Variants in ADCY1 observed in about 807,000 individuals in gnomAD.
ADCY1 encodes the protein adenylate cyclase type 1.
In ADCY1, 28 loss-of-function variants were observed where a neutral mutation model predicts 105.4. The ratio of observed to expected loss-of-function variants is 0.27; its 90% CI spans 0.20 to 0.36. The LOEUF is 0.36. Ranked by LOEUF, ADCY1 falls within the 10% of genes least tolerant of loss-of-function variation. The pLI, the probability that ADCY1 is intolerant of heterozygous loss-of-function variation, is 1.00. For missense variants in ADCY1, 977 were observed against 1,434.2 expected, an observed-to-expected ratio of 0.68 and a Z score of 5.15; for synonymous variants, 655 against 623.8, an observed-to-expected ratio of 1.05 and a Z score of -0.75.
chr7:45,597,334 G>A (rs976412460), intron 2 of ADCY1, among the ~76,000 whole-genome samples: 3 of 152,224 alleles, frequency 2.0e-5, no homozygotes, highest in Non-Finnish European at 4.4e-5. Context: ...CTCTGTTTAC[G>A]CATTGGATGC....
intron 4 of ADCY1, among the ~76,000 whole-genome samples, chr7:45,627,960 G>A (rs1214708628): frequency 2.6e-5 from 4 of 152,168 alleles, no homozygotes; most frequent in Non-Finnish European, 5.9e-5. Context: ...GACCCCCGGC[G>A]CCCACTTCGC....
chr7:45,661,908 C>T lies in ADCY1; in HGVS notation c.1450-151C>T, dbSNP rs933629972. 67 of 915,752 alleles carry T rather than the reference C, an allele frequency of 7.3e-5. No individual in the cohort carries two copies. In the African/African-American group the frequency reaches 7.8e-4, roughly 11 times the overall value. The allele number at this position is 915,752 out of a possible 1,614,324, so 56.7% of individuals were successfully genotyped here. A position where few individuals can be genotyped will look rare whatever the true frequency, so the allele number is the denominator to read the frequency against. On this transcript the variant is annotated intron_variant, in intron 7 of 19. Coordinates refer to ENST00000297323, the MANE Select transcript of ADCY1 (RefSeq NM_021116.4). ...TTTGTTTGCTGCTCTATTCTGGGCA[C>T]GTTCCCCAATGCCTGGCTTGAAGTA...
At position 45,610,328 on chromosome 7, in the gene ADCY1, G is replaced by A. The variant is rs368050706; in HGVS notation, c.790-51G>A. On this transcript the variant is annotated intron_variant, in intron 2 of 19. Transcript: ENST00000297323. ...ACTGGGGAGGGTGAGGTGAGGAGGA[G>A]TGGAGGGAGGGGGCCCTGCTGTCTA... 5 of 1,534,132 alleles carry A rather than the reference G, an allele frequency of 3.3e-6. No homozygotes were observed. The Admixed American group carries it at 5.1e-5, about 16-fold the overall frequency.
At chr7:45,660,659 C>G (rs1431269871) in intron 7 of ADCY1, among the ~76,000 whole-genome samples, 1 of 152,156 alleles carries the variant, frequency 6.6e-6, no homozygotes, top group Non-Finnish European at 1.5e-5. Flanking sequence ...TGTGAGGGGT[C>G]AGGCTCAGGT....
chr7:45,615,151 C>T (rs1258723208), intron 3 of ADCY1, among the ~76,000 whole-genome samples: 3 of 152,140 alleles, frequency 2.0e-5, no homozygotes, highest in Non-Finnish European at 4.4e-5. Flanking sequence ...CTTACAATTT[C>T]AAGAATTATA....
At chr7:45,595,929 G>C (rs1448055401) in intron 2 of ADCY1, among the ~76,000 whole-genome samples, 1 of 152,260 alleles carries the variant, frequency 6.6e-6, no homozygotes, top group Non-Finnish European at 1.5e-5. Context: ...CAGCACCCAG[G>C]TTCCTCCTGG....
chr7:45,578,123 C>T (rs528453192), intron 1 of ADCY1, among the ~76,000 whole-genome samples: 3 of 152,232 alleles, frequency 2.0e-5, no homozygotes, highest in East Asian at 3.9e-4. Flanking sequence ...CCCAAGCTGC[C>T]CCAGGACTCT....
At chr7:45,614,345 TATAA>T (rs1793677154) in intron 3 of ADCY1, among the ~76,000 whole-genome samples, 1 of 152,170 alleles carries the variant, frequency 6.6e-6, no homozygotes, top group Non-Finnish European at 1.5e-5. Flanking sequence ...TTATAGTTTT[TATAA>T]TCACTGAGGT....
chr7:45,613,155 A>G (rs1408465964), intron 3 of ADCY1, among the ~76,000 whole-genome samples: 1 of 152,354 alleles, frequency 6.6e-6, no homozygotes, highest in East Asian at 1.9e-4. Context: ...CTGATAGACA[A>G]TTTAAAATAA....
At chr7:45,663,680 G>A (rs892746254) in intron 8 of ADCY1, among the ~76,000 whole-genome samples, 10 of 152,104 alleles carry the variant, frequency 6.6e-5, no homozygotes, top group Non-Finnish European at 1.3e-4. Flanking sequence ...TTAGCCGGGC[G>A]TGGTGGCACA....
chr7:45,590,220 C>A (rs912654630), intron 1 of ADCY1, among the ~76,000 whole-genome samples: 2 of 148,544 alleles, frequency 1.3e-5, no homozygotes, highest in African/African-American at 4.8e-5. Context: ...ATGTCCCCAC[C>A]CCCCCATGGA....
At chr7:45,705,635 C>G (rs2116265592) in intron 17 of ADCY1, among the ~76,000 whole-genome samples, 1 of 152,264 alleles carries the variant, frequency 6.6e-6, no homozygotes, top group Admixed American at 6.5e-5. Flanking sequence ...TGGAGGGAAA[C>G]TAAATGCTCT....
chr7:45,631,951 T>C (rs943487543), intron 4 of ADCY1, among the ~76,000 whole-genome samples: 1 of 152,220 alleles, frequency 6.6e-6, no homozygotes, highest in African/African-American at 2.4e-5. Flanking sequence ...GTTTTACATT[T>C]AAGTTTATAA....
intron 3 of ADCY1, among the ~76,000 whole-genome samples, chr7:45,616,735 T>C (rs1341729691): frequency 6.6e-6 from 1 of 152,150 alleles, no homozygotes; most frequent in Non-Finnish European, 1.5e-5. Context: ...ACAAAAAGCC[T>C]TCCCTCTAAA....
At position 45,686,180 on chromosome 7, in the gene ADCY1, C is replaced by G; in HGVS notation, c.2292C>G (p.Ile764Met). ...ILLSGLTTSY[I>M]LVLELSGYTR... Reference sequence around the variant, plus strand: ...TCTCCGGGCTCACCACGTCCTACATCCTCGTTCTGGAGCTCAGCGGATACA... The same window carrying G: ...TCTCCGGGCTCACCACGTCCTACATGCTCGTTCTGGAGCTCAGCGGATACA... The change falls in exon 13 of 20, where the codon ATC (isoleucine) becomes ATG (methionine). Residue 764 changes from isoleucine to methionine, a missense_variant. Around this residue, in one of 7 missense-constraint regions of ADCY1, gnomAD observed 275 missense variants for 362.1 expected, o/e 0.76. Coordinates refer to ENST00000297323, the MANE Select transcript of ADCY1 (RefSeq NM_021116.4). The surrounding 1 kb of genome is among the most constrained non-coding windows in gnomAD (Gnocchi z 4.3). 1 of 1,614,158 alleles carries G rather than the reference C, an allele frequency of 6.2e-7. No homozygotes were observed. Among genetic ancestry groups the G allele is most frequent in the Non-Finnish European group, 8.5e-7 (1 of 1,180,012 alleles).
At chr7:45,609,965 G>A (rs1793488931) in intron 2 of ADCY1, among the ~76,000 whole-genome samples, 1 of 152,216 alleles carries the variant, frequency 6.6e-6, no homozygotes, top group African/African-American at 2.4e-5. Flanking sequence ...AAGAACAAGA[G>A]GACTCTGTGG....
chr7:45,713,891 C>T lies in ADCY1; in HGVS notation c.3256C>T (p.Arg1086Cys), dbSNP rs747264037. The T allele has an allele frequency of 1.0e-4, 80 of 780,568 alleles. No individual in the cohort carries two copies. The East Asian group carries it at 1.6e-3, about 15-fold the overall frequency. 48.4% of individuals were successfully genotyped at this position (780,568 alleles called of 1,614,324 possible). A position where few individuals can be genotyped will look rare whatever the true frequency, so the allele number is the denominator to read the frequency against. Residue 1086 changes from arginine to cysteine, a missense_variant, in exon 20 of 20, where the codon CGT (arginine) becomes TGT (cysteine). Physicochemically the swap from Arg to Cys is radical, Grantham distance 180 (BLOSUM62 -3). Around this residue, in one of 7 missense-constraint regions of ADCY1, gnomAD observed 78 missense variants for 60.0 expected, o/e 1.30. Coordinates refer to ENST00000297323, the MANE Select transcript of ADCY1 (RefSeq NM_021116.4). ...TGGGAGAGCTGGCCTTCAGGGCAGACGTCCCCCCGTGTGCCCCATGCCTGG... is the reference window on the plus strand; with the variant it reads ...TGGGAGAGCTGGCCTTCAGGGCAGATGTCCCCCCGTGTGCCCCATGCCTGG... ...PFGRAGLQGRRPPVCPMPGVS... is the reference protein window; with the variant it reads ...PFGRAGLQGRCPPVCPMPGVS...
At chr7:45,711,644 T>TACAC (rs1554333220) in intron 19 of ADCY1, among the ~76,000 whole-genome samples, 925 of 50,034 alleles carry the variant, frequency 0.018, 10 homozygotes, top group Non-Finnish European at 0.025. Context: ...TATATATATA[T>TACAC]ACACACACAC....
chr7:45,584,939 G>T (rs1792671932), intron 1 of ADCY1, among the ~76,000 whole-genome samples: 1 of 152,244 alleles, frequency 6.6e-6, no homozygotes, highest in Non-Finnish European at 1.5e-5. Context: ...TGTGCCGGGA[G>T]TCAGGGCAGC....
Sources: allele counts gnomAD v4.1 joint callset (sites outside exome capture counted in the v4.1 genomes callset), GRCh38; gene constraint gnomAD v4.1.1; regional missense constraint gnomAD v4.1.1; non-coding constraint Gnocchi (gnomAD v3.1); transcripts MANE v1.5; gene names NCBI Gene and HGNC (gene_info 2026-07-23, HGNC 2026-07-21).